NMD3: variants seen among roughly 807,000 people sequenced by gnomAD.
NMD3 encodes the protein NMD3 ribosome export adaptor, also known as 60S ribosomal export protein NMD3.
In NMD3, 47 loss-of-function variants were observed where a neutral mutation model predicts 73.1. The observed-to-expected ratio is 0.64, with a 90% CI of 0.51 to 0.82. The LOEUF is 0.82. NMD3 is among the 40% of genes least tolerant of loss of function. The pLI is 0.00. For synonymous variants in NMD3, 210 were observed against 194.5 expected, an observed-to-expected ratio of 1.08 and a Z score of -0.66; for missense variants, 554 against 612.5, an observed-to-expected ratio of 0.90 and a Z score of 1.01.
Position 161,249,520 on chromosome 3 carries a change from C to A in NMD3, c.1270C>A (p.Leu424Ile), listed in dbSNP as rs769034626. 6.2e-7 allele frequency: 1 copy of A among 1,612,514 alleles called. No homozygotes were observed. Among genetic ancestry groups the A allele is most frequent in the East Asian group, 2.2e-5 (1 of 44,776 alleles). ...TCGTAGAAACTGGAAATTGAAAGAG[C>A]TTGCAAGAGAGAGAGAAAACATGGA... ...QRRRNWKLKE[L>I]ARERENMDTD... is the part of the protein sequence containing the mutation. The change falls in exon 14 of 16, where the codon CTT becomes ATT. Residue 424 changes from leucine to isoleucine, a missense_variant. Transcript: ENST00000351193.
At chr3:161,228,388 T>C (rs1400880237) in intron 4 of NMD3, among the ~76,000 whole-genome samples, 1 of 152,188 alleles carries the variant, frequency 6.6e-6, no homozygotes. Flanking sequence ...TTGGTTTTTT[T>C]CGCTCCCCTC....
chr3:161,242,747 C>A, intron 11 of NMD3, 94 bp downstream of exon 11: 1 of 1,231,954 alleles, frequency 8.1e-7, no homozygotes, highest in Non-Finnish European at 1.1e-6. Context: ...GGTGTTTCCA[C>A]AGTATGGAAT....
chr3:161,230,879 G>A (rs1736513793), intron 4 of NMD3, among the ~76,000 whole-genome samples: 2 of 152,180 alleles, frequency 1.3e-5, no homozygotes, highest in African/African-American at 4.8e-5. Flanking sequence ...AGAGCTGTTA[G>A]ATAGATGTTT....
chr3:161,228,573 T>G (rs1378963188), intron 4 of NMD3, among the ~76,000 whole-genome samples: 1 of 152,204 alleles, frequency 6.6e-6, no homozygotes, highest in Non-Finnish European at 1.5e-5. Context: ...CATTTGTCTC[T>G]GTTTTTTTAT....
intron 7 of NMD3, among the ~76,000 whole-genome samples, chr3:161,237,724 A>G (rs536778283): frequency 6.6e-6 from 1 of 151,952 alleles, no homozygotes; most frequent in South Asian, 2.1e-4. Context: ...TTTCTAGTAG[A>G]GACGGGGTTT....
chr3:161,234,474 A>C (rs1391791165), intron 5 of NMD3, among the ~76,000 whole-genome samples: 2 of 150,780 alleles, frequency 1.3e-5, no homozygotes, highest in African/African-American at 4.9e-5. Context: ...ATATACACAG[A>C]ATATTCTCAC....
At chr3:161,229,154 G>A (rs1386059192) in intron 4 of NMD3, among the ~76,000 whole-genome samples, 2 of 152,204 alleles carry the variant, frequency 1.3e-5, no homozygotes, top group Non-Finnish European at 2.9e-5. Flanking sequence ...AGGCCACAGT[G>A]TGTCTGGCCT....
chr3:161,223,301 G>T (rs1033076985), intron 2 of NMD3, among the ~76,000 whole-genome samples: 1 of 152,192 alleles, frequency 6.6e-6, no homozygotes, highest in African/African-American at 2.4e-5. Flanking sequence ...CATTGGACAT[G>T]GAAGATTATT....
chr3:161,232,686 A>G (rs1232580418), intron 4 of NMD3, among the ~76,000 whole-genome samples: 1 of 152,144 alleles, frequency 6.6e-6, no homozygotes, highest in Non-Finnish European at 1.5e-5. Flanking sequence ...CTGTGCAGAT[A>G]AATCTTACAG....
In NMD3 at chr3:161,250,648, A is replaced by G. The variant is rs1737446637; in HGVS notation, c.1382-132A>G. On this transcript the variant is annotated intron_variant, in intron 15 of 15. Transcript: ENST00000351193. ...AATTTGAATGACTGCTGTAAGAGAC[A>G]AGAGCTTCTGATACAATGTAGTTAC... 2.1e-5 allele frequency: 13 copies of G among 618,762 alleles called. No individual in the cohort carries two copies. The South Asian group carries it at 3.2e-4, about 15-fold the overall frequency. The allele number at this position is 618,762 out of a possible 1,614,324, so 38.3% of individuals were successfully genotyped here.
At chr3:161,242,409 C>A in intron 10 of NMD3, 99 bp from the exon 11 acceptor site, 1 of 1,118,288 alleles carries the variant, frequency 8.9e-7, no homozygotes, top group Non-Finnish European at 1.3e-6. Context: ...TGACCTGCCA[C>A]TTCCCAGTTG....
At position 161,250,800 on chromosome 3, in the gene NMD3, A is replaced by G; in HGVS notation, c.1402A>G (p.Ser468Gly). Reference protein sequence around the residue: ...IYRDSAIPVESDTDDEGAPRI... With the variant: ...IYRDSAIPVEGDTDDEGAPRI... ...TTTAGATTCAGCCATCCCTGTGGAA[A>G]GTGACACCGATGATGAAGGAGCACC... The change falls in exon 16 of 16, where the codon AGT (serine) becomes GGT (glycine). Residue 468 changes from serine to glycine, a missense_variant. Transcript: ENST00000351193. 2.5e-6 allele frequency: 4 copies of G among 1,610,376 alleles called. No homozygotes were observed. Among genetic ancestry groups the G allele is most frequent in the Non-Finnish European group, 3.4e-6 (4 of 1,177,084 alleles).
Position 161,234,715 on chromosome 3 carries a change from T to C in NMD3, c.358-12T>C, listed in dbSNP as rs925736966. The C allele has an allele frequency of 6.3e-7, 1 of 1,596,406 alleles. No homozygotes were observed. Among genetic ancestry groups the C allele is most frequent in the African/African-American group, 1.3e-5 (1 of 74,734 alleles). ...AAACCAAAAGAATGAAGGAGTGTAA[T>C]TGTTTTATCAGGTGATGAATGGTGC... On this transcript the variant is annotated splice_polypyrimidine_tract_variant and intron_variant, in intron 5 of 15. Transcript: ENST00000351193.
intron 4 of NMD3, among the ~76,000 whole-genome samples, chr3:161,230,262 C>A (rs1287001955): frequency 6.6e-6 from 1 of 152,106 alleles, no homozygotes; most frequent in East Asian, 1.9e-4. Context: ...CCACACCTGG[C>A]TGATTTTTAT....
rs539959600 is a variant in NMD3 at position 161,241,573 on chromosome 3, A to G, written c.871+410A>G. ...GTAGCTGGGATTACAGGTGCCTGCCACCATGCCCAGCTAATTTTTGTATTT... is the reference window on the plus strand; with the variant it reads ...GTAGCTGGGATTACAGGTGCCTGCCGCCATGCCCAGCTAATTTTTGTATTT... On this transcript the variant is annotated intron_variant, in intron 10 of 15. Coordinates refer to ENST00000351193, the MANE Select transcript of NMD3 (RefSeq NM_015938.5). 9.1e-4 allele frequency among the ~76,000 whole-genome samples: 139 copies of G among 152,156 alleles called. 2 individuals carry two copies. The highest frequency in any genetic ancestry group is 3.4e-3 in the Middle Eastern group (1 of 294).
At chr3:161,237,442 T>C (rs951605890) in intron 7 of NMD3, among the ~76,000 whole-genome samples, 4 of 152,046 alleles carry the variant, frequency 2.6e-5, no homozygotes, top group Non-Finnish European at 4.4e-5. Context: ...GTTAATTTTT[T>C]CTTTTCTTTT....
rs1273283500 is a variant in NMD3, at chr3:161,241,110, T to A, written c.818T>A (p.Val273Glu). The A allele has an allele frequency of 1.2e-6, 2 of 1,613,448 alleles. No individual in the cohort carries two copies. Among genetic ancestry groups the A allele is most frequent in the Non-Finnish European group, 8.5e-7 (1 of 1,179,726 alleles). Residue 273 changes from valine (V) to glutamate (E), a missense_variant, in exon 10 of 16, where the codon GTG becomes GAG. Val to Glu is a moderately radical substitution (Grantham distance 121). Coordinates refer to ENST00000351193, the MANE Select transcript of NMD3 (RefSeq NM_015938.5). ...CTGGGAAATATGAACCAGATTTGTG[T>A]GTGTATTCGAGTAACCAGTGCCATT... ...QSLGNMNQIC[V>E]CIRVTSAIHL... is the part of the protein sequence containing the mutation.
intron 11 of NMD3, among the ~76,000 whole-genome samples, chr3:161,243,036 A>G (rs1315844866): frequency 2.0e-5 from 3 of 152,126 alleles, no homozygotes; most frequent in African/African-American, 7.2e-5. Flanking sequence ...ACACAGGAAT[A>G]TTTTTCTACA....
At chr3:161,244,356 T>G (rs778383906) in intron 11 of NMD3, among the ~76,000 whole-genome samples, 1 of 152,210 alleles carries the variant, frequency 6.6e-6, no homozygotes, top group Non-Finnish European at 1.5e-5. Flanking sequence ...CTTGAACTCC[T>G]GAGCTCAAGC....
Sources: allele counts gnomAD v4.1 joint callset (sites outside exome capture counted in the v4.1 genomes callset), GRCh38; gene constraint gnomAD v4.1.1; transcripts MANE v1.5; gene names NCBI Gene and HGNC (gene_info 2026-07-23, HGNC 2026-07-21).